The following IQSEC1 variants were observed in gnomAD, a reference collection of about 807,000 sequenced individuals.
IQSEC1 encodes IQ motif and Sec7 domain ArfGEF 1, also known as IQ motif and SEC7 domain-containing protein 1.
IQSEC1 carries 31 observed loss-of-function variants against 91.0 expected under a neutral mutation model. The observed-to-expected ratio is 0.34, with a 90% CI of 0.26 to 0.46. The LOEUF (loss-of-function observed/expected upper bound fraction) is 0.46, where lower values mean the gene tolerates loss of function less well. Ranked by LOEUF, IQSEC1 falls within the 20% of genes least tolerant of loss-of-function variation. IQSEC1 has a pLI of 1.00. For synonymous variants in IQSEC1, 699 were observed against 662.6 expected, an observed-to-expected ratio of 1.05 and a Z score of -0.84; for missense variants, 1,388 against 1,575.6, an observed-to-expected ratio of 0.88 and a Z score of 2.02.
Position 12,942,928 on chromosome 3 carries a change from C to T in IQSEC1, c.24-1063G>A, listed in dbSNP as rs915378842. On this transcript the variant is annotated intron_variant, in intron 1 of 13. Transcript: ENST00000613206. Reference sequence around the variant, plus strand: ...GAGAGGGGCCATGGGGGAACCCACCCTGCCTACGCCCTGATCCCCGACTTC... The same window carrying T: ...GAGAGGGGCCATGGGGGAACCCACCTTGCCTACGCCCTGATCCCCGACTTC... Among the ~76,000 whole-genome samples, 4 of 152,218 alleles carry T rather than the reference C, an allele frequency of 2.6e-5. 1 individual carries two copies. Among genetic ancestry groups the T allele is most frequent in the African/African-American group, 9.6e-5 (4 of 41,468 alleles).
chr3:12,966,444 C>T (rs57942543), intron 1 of IQSEC1, among the ~76,000 whole-genome samples: 4,448 of 152,290 alleles, frequency 0.029, 120 homozygotes, highest in South Asian at 0.076. Flanking sequence ...CCCTTAGCCC[C>T]ACCCCCCTGC....
At chr3:13,135,729 G>A (rs998485822) in intron 2 of IQSEC1, among the ~76,000 whole-genome samples, 5 of 152,234 alleles carry the variant, frequency 3.3e-5, no homozygotes, top group African/African-American at 1.2e-4. Flanking sequence ...GCCAGGGAAT[G>A]AGAGCAGCTG....
chr3:13,210,459 C>G (rs554264658), intron 1 of IQSEC1, among the ~76,000 whole-genome samples: 1 of 152,302 alleles, frequency 6.6e-6, no homozygotes, highest in South Asian at 2.1e-4. Context: ...GCCACCTCCA[C>G]TGCAGAGGCA....
intron 1 of IQSEC1, among the ~76,000 whole-genome samples, chr3:13,234,431 A>G (rs974965999): frequency 6.6e-6 from 1 of 152,170 alleles, no homozygotes; most frequent in East Asian, 1.9e-4. Context: ...TTTAAGCTAC[A>G]CCACAGATGA....
chr3:12,922,658 C>G lies in IQSEC1; in HGVS notation c.1731-416G>C, dbSNP rs368756598. ...GCCATTTTCACAGTGAGGAAAGGGG[C>G]GCCCAGGGTGTTGACTTTCAGAATA... On this transcript the variant is annotated intron_variant, in intron 4 of 13. Transcript: ENST00000613206. This position sits in a 1 kb window ranked among gnomAD's most constrained non-coding sequence, Gnocchi z 5.1. Among the ~76,000 whole-genome samples, 1 of 152,136 alleles carries G rather than the reference C, an allele frequency of 6.6e-6. No homozygotes were observed. Among genetic ancestry groups the G allele is most frequent in the Non-Finnish European group, 1.5e-5 (1 of 68,036 alleles).
At chr3:13,047,636 A>C in intron 1 of IQSEC1, 1 of 311,366 alleles carries the variant, frequency 3.2e-6, no homozygotes, top group Non-Finnish European at 4.7e-6. Flanking sequence ...GTCCTGGGGC[A>C]ACTGAGCAGC....
intron 1 of IQSEC1, among the ~76,000 whole-genome samples, chr3:13,238,816 C>T (rs912352400): frequency 2.0e-5 from 3 of 152,214 alleles, no homozygotes; most frequent in African/African-American, 2.4e-5. Context: ...TGTGCAGCAG[C>T]CCCCAGGCCC....
chr3:12,916,376 C>A (rs763886888), intron 6 of IQSEC1, among the ~76,000 whole-genome samples: 1 of 152,186 alleles, frequency 6.6e-6, no homozygotes, highest in African/African-American at 2.4e-5. Flanking sequence ...GGCTCTGACC[C>A]GGGGCTGCCC....
rs927267077 is a variant in IQSEC1, at chr3:13,103,143, C to A, written c.303-55621G>T. ...GCTCTGCCCCAGCCCCTCCCTGGCC[C>A]ATGTCCCCGGCTGGCCCCAGGCAGG... On this transcript the variant is annotated intron_variant, in intron 2 of 15. Coordinates refer to the IQSEC1 transcript ENST00000648114. The surrounding 1 kb of genome is among the most constrained non-coding windows in gnomAD (Gnocchi z 4.1). Among the ~76,000 whole-genome samples, 2 of 152,068 alleles carry A rather than the reference C, an allele frequency of 1.3e-5. No individual in the cohort carries two copies. The highest frequency in any genetic ancestry group is 4.8e-5 in the African/African-American group (2 of 41,420).
chr3:13,025,948 G>C (rs909297959), intron 1 of IQSEC1, among the ~76,000 whole-genome samples: 1 of 152,150 alleles, frequency 6.6e-6, no homozygotes, highest in Non-Finnish European at 1.5e-5. Flanking sequence ...CAGATCTCCA[G>C]GCCTGTCCAC....
Position 12,900,782 on chromosome 3 carries a change from C to T in IQSEC1, c.*201G>A. Reference sequence around the variant, plus strand: ...ACTGAGGTGAGCAGAGCCCAGGGTGCCAACAAGAAATGAAATCTGGGCCTT... The same window carrying T: ...ACTGAGGTGAGCAGAGCCCAGGGTGTCAACAAGAAATGAAATCTGGGCCTT... On this transcript the variant is annotated 3_prime_UTR_variant, in exon 14 of 14. Transcript: ENST00000613206. 6.9e-7 allele frequency: 1 copy of T among 1,445,646 alleles called. No individual in the cohort carries two copies. The highest frequency in any genetic ancestry group is 9.1e-7 in the Non-Finnish European group (1 of 1,104,186). 89.6% of individuals were successfully genotyped at this position (1,445,646 alleles called of 1,614,324 possible).
intron 2 of IQSEC1, among the ~76,000 whole-genome samples, chr3:13,142,569 A>G (rs370040058): frequency 1.3e-5 from 2 of 152,202 alleles, no homozygotes; most frequent in South Asian, 2.1e-4. Context: ...CGATCCTCCA[A>G]GGACAGAGAT....
At chr3:13,274,479 G>A (rs536515185) in intron 1 of IQSEC1, among the ~76,000 whole-genome samples, 46 of 152,274 alleles carry the variant, frequency 3.0e-4, no homozygotes, top group African/African-American at 9.9e-4. Context: ...TTCTCCACGG[G>A]TGTGACGCTC....
chr3:13,151,414 C>G (rs943922498), intron 2 of IQSEC1, among the ~76,000 whole-genome samples: 10 of 152,128 alleles, frequency 6.6e-5, no homozygotes, highest in African/African-American at 1.9e-4. Flanking sequence ...CCAACAGGGG[C>G]TGTTTATTAG....
chr3:13,133,342 C>G (rs1221977941), intron 2 of IQSEC1, among the ~76,000 whole-genome samples: 1 of 152,206 alleles, frequency 6.6e-6, no homozygotes, highest in African/African-American at 2.4e-5. Context: ...AGTGGCTGGA[C>G]CAGGTCACAC....
At chr3:13,174,136 C>G (rs112735316) in intron 1 of IQSEC1, among the ~76,000 whole-genome samples, 4 of 152,148 alleles carry the variant, frequency 2.6e-5, no homozygotes, top group Non-Finnish European at 5.9e-5. Flanking sequence ...GGGCAGGTGG[C>G]GCCCAGCCTC....
chr3:12,943,628 T>C (rs36087634), intron 1 of IQSEC1, among the ~76,000 whole-genome samples: 2,570 of 152,102 alleles, frequency 0.017, 77 homozygotes, highest in African/African-American at 0.059. Flanking sequence ...TGGTGCCTCC[T>C]TCAGACCTCC....
Position 12,909,216 on chromosome 3 carries a change from G to A in IQSEC1, c.2578+57C>T, listed in dbSNP as rs1355673755. On this transcript the variant is annotated intron_variant, in intron 11 of 13. Transcript: ENST00000613206. This position sits in a 1 kb window ranked among gnomAD's most constrained non-coding sequence, Gnocchi z 4.9. ...AGAAGTCACTGCCCTGACATGGGGA[G>A]GCAAGTGCCAGAGTCTGGCAAGTCT... is the stretch of plus-strand genomic sequence containing the variant. 3 of 1,573,606 alleles carry A rather than the reference G, an allele frequency of 1.9e-6. No homozygotes were observed. Among genetic ancestry groups the A allele is most frequent in the East Asian group, 2.2e-5 (1 of 44,576 alleles).
Position 13,088,763 on chromosome 3 carries a change from T to TCTCCAG in IQSEC1, c.303-41247_303-41242dup, listed in dbSNP as rs747926667. Among the ~76,000 whole-genome samples, 10 of 152,320 alleles carry TCTCCAG rather than the reference T, an allele frequency of 6.6e-5. No individual in the cohort carries two copies. In the East Asian group the frequency reaches 1.4e-3, roughly 21 times the overall value. On this transcript the variant is annotated intron_variant, in intron 2 of 15. Coordinates refer to the IQSEC1 transcript ENST00000648114. ...TCGGGCACACTGGCCTGTTGCAGTT[T>TCTCCAG]CTCCAGCTCCAGCTCCAGGCTCTCC... is the stretch of plus-strand genomic sequence containing the variant.
Sources: gnomAD v4.1 joint callset for allele counts (sites outside exome capture counted in the v4.1 genomes callset) on GRCh38, gnomAD v4.1.1 for gene constraint, Gnocchi (gnomAD v3.1) non-coding constraint, MANE v1.5 for transcripts, NCBI Gene and HGNC (gene_info 2026-07-23, HGNC 2026-07-21) for gene names.